Variants in PRKN observed in about 807,000 individuals in gnomAD.
PRKN encodes the protein E3 ubiquitin-protein ligase parkin.
In PRKN, 56 loss-of-function variants were observed where a neutral mutation model predicts 59.5. The observed-to-expected ratio is 0.94, with a 90% confidence interval of 0.76 to 1.18. The LOEUF (loss-of-function observed/expected upper bound fraction) is 1.18. Ranked by LOEUF, PRKN falls within the 50% of genes most tolerant of loss-of-function variation. The pLI is 0.00. For missense variants in PRKN, 657 were observed against 596.4 expected (o/e 1.10, Z -1.06); for synonymous variants, 250 against 222.1 (o/e 1.13, Z -1.12).
intron 7 of PRKN, among the ~76,000 whole-genome samples, chr6:161,731,181 T>C (rs1787694275): frequency 6.6e-6 from 1 of 152,262 alleles, no homozygotes; most frequent in Non-Finnish European, 1.5e-5. Flanking sequence ...TTCTGATATG[T>C]TTTCTTGTTG....
At chr6:162,517,773 CA>C (rs146773579) in intron 1 of PRKN, among the ~76,000 whole-genome samples, 2,773 of 151,976 alleles carry the variant, frequency 0.018, 85 homozygotes, top group African/African-American at 0.063. Context: ...CTAAAATGGA[CA>C]AAAAAACTGG....
chr6:162,484,897 T>G (rs1792473585), intron 1 of PRKN, among the ~76,000 whole-genome samples: 1 of 152,226 alleles, frequency 6.6e-6, no homozygotes. Context: ...CAATTTTACT[T>G]TTACATTGTT....
intron 7 of PRKN, among the ~76,000 whole-genome samples, chr6:161,717,988 C>T (rs374971611): frequency 9.2e-5 from 14 of 152,244 alleles, no homozygotes; most frequent in Admixed American, 2.6e-4. Flanking sequence ...GCAAAACAGA[C>T]GCATGGCAGA....
chr6:162,643,851 G>A (rs1300428105), intron 1 of PRKN: 2 of 151,744 alleles, frequency 1.3e-5, no homozygotes, highest in Non-Finnish European at 2.9e-5. Flanking sequence ...ATTTTACTTC[G>A]TGTAGTAATA....
chr6:162,612,070 G>C (rs1405563235), intron 1 of PRKN, among the ~76,000 whole-genome samples: 1 of 151,112 alleles, frequency 6.6e-6, no homozygotes, highest in African/African-American at 2.4e-5. Flanking sequence ...GCGGGCGCCT[G>C]TAGTCCCAGC....
intron 1 of PRKN, among the ~76,000 whole-genome samples, chr6:162,594,704 A>T (rs1253601163): frequency 6.6e-6 from 1 of 152,190 alleles, no homozygotes; most frequent in East Asian, 1.9e-4. Flanking sequence ...CACATGCTCA[A>T]ATTGTTCCTA....
chr6:161,667,192 G>A (rs181824369), intron 7 of PRKN, among the ~76,000 whole-genome samples: 81 of 152,166 alleles, frequency 5.3e-4, no homozygotes, highest in African/African-American at 1.6e-3. Flanking sequence ...AGTTTTAGCC[G>A]TCATCATTAT....
chr6:162,137,240 C>T (rs1397354228), intron 4 of PRKN, among the ~76,000 whole-genome samples: 8 of 152,128 alleles, frequency 5.3e-5, no homozygotes, highest in African/African-American at 7.2e-5. Flanking sequence ...TTGTGTTGCA[C>T]AGGCTTAGAA....
At chr6:162,292,127 C>T (rs1781460384) in intron 2 of PRKN, among the ~76,000 whole-genome samples, 1 of 151,944 alleles carries the variant, frequency 6.6e-6, no homozygotes, top group Admixed American at 6.6e-5. Flanking sequence ...CCACACCTGG[C>T]TAATTTTTGC....
In PRKN at chr6:161,548,219, T is replaced by A. The variant is rs1779863350; in HGVS notation, c.1083+635A>T. Reference sequence around the variant, plus strand: ...TTTAGTAAGCCTTTTTGTGTTTGAGTTATGCTTCTTCCCCCCTTGAGCCAT... The same window carrying A: ...TTTAGTAAGCCTTTTTGTGTTTGAGATATGCTTCTTCCCCCCTTGAGCCAT... On this transcript the variant is annotated intron_variant, in intron 9 of 11. Coordinates refer to ENST00000366898, the MANE Select transcript of PRKN (RefSeq NM_004562.3). This position sits in a 1 kb window ranked among gnomAD's most constrained non-coding sequence, Gnocchi z 4.2. Among the ~76,000 whole-genome samples the A allele has an allele frequency of 6.6e-6, 1 of 152,202 alleles. No homozygotes were observed. The highest frequency in any genetic ancestry group is 2.4e-5 in the African/African-American group (1 of 41,444).
At chr6:161,474,995 C>T (rs1486185918) in intron 9 of PRKN, among the ~76,000 whole-genome samples, 1 of 151,888 alleles carries the variant, frequency 6.6e-6, no homozygotes, top group African/African-American at 2.4e-5. Flanking sequence ...ACCTCCGCCT[C>T]CTGGGTTCAA....
chr6:162,174,857 C>T (rs189140995), intron 4 of PRKN, among the ~76,000 whole-genome samples: 2 of 152,292 alleles, frequency 1.3e-5, no homozygotes, highest in East Asian at 3.9e-4. Context: ...TAACTGCATG[C>T]ACTTGAAGTT....
intron 2 of PRKN, among the ~76,000 whole-genome samples, chr6:162,353,242 T>C (rs1231234831): frequency 6.6e-6 from 1 of 152,134 alleles, no homozygotes; most frequent in African/African-American, 2.4e-5. Context: ...CCATTAGAGT[T>C]GGCTCTAAGC....
In PRKN at chr6:161,448,337, A is replaced by G. The variant is rs1003293735; in HGVS notation, c.1084-61460T>C. On this transcript the variant is annotated intron_variant, in intron 9 of 11. Transcript: ENST00000366898. This position sits in a 1 kb window ranked among gnomAD's most constrained non-coding sequence, Gnocchi z 5.1. ...ATCCTAAGCATTTTGATTATTTTAG[A>G]TGGACATATACACATGCATATACAC... is the stretch of plus-strand genomic sequence containing the variant. Among the ~76,000 whole-genome samples the G allele has an allele frequency of 3.9e-5, 6 of 152,196 alleles. No individual in the cohort carries two copies. The highest frequency in any genetic ancestry group is 6.5e-5 in the Admixed American group (1 of 15,288).
At chr6:162,122,962 C>T (rs187488006) in intron 4 of PRKN, among the ~76,000 whole-genome samples, 3 of 150,426 alleles carry the variant, frequency 2.0e-5, no homozygotes, top group East Asian at 2.0e-4. Flanking sequence ...TAAATGTCTT[C>T]GTACCCAAGA....
Position 161,648,540 on chromosome 6 carries a change from T to A in PRKN, c.872-79124A>T, listed in dbSNP as rs562058040. ...AGTTCTTAATTGCCAATGTGGATTCTCATAAAATTAAACAGTATTATTCTG... is the reference window on the plus strand; with the variant it reads ...AGTTCTTAATTGCCAATGTGGATTCACATAAAATTAAACAGTATTATTCTG... On this transcript the variant is annotated intron_variant, in intron 7 of 11. Transcript: ENST00000366898. Among the ~76,000 whole-genome samples the A allele has an allele frequency of 5.3e-5, 8 of 152,342 alleles. No homozygotes were observed. The South Asian group carries it at 1.7e-3, about 32-fold the overall frequency.
At chr6:161,523,424 C>T (rs578007351) in intron 9 of PRKN, among the ~76,000 whole-genome samples, 5 of 152,312 alleles carry the variant, frequency 3.3e-5, no homozygotes, top group East Asian at 3.9e-4. Flanking sequence ...CTGTTAGAGT[C>T]TCTCTAGATA....
chr6:162,254,331 C>T (rs1002951344), intron 3 of PRKN, among the ~76,000 whole-genome samples: 1 of 151,758 alleles, frequency 6.6e-6, no homozygotes, highest in African/African-American at 2.4e-5. Context: ...GTGGTGGGTG[C>T]CTGTAATCCC....
In PRKN at chr6:161,379,562, C is replaced by CTCTCTGCCAAG. The variant is rs1785878897; in HGVS notation, c.1167+7221_1167+7231dup. 1.3e-5 allele frequency among the ~76,000 whole-genome samples: 2 copies of CTCTCTGCCAAG among 152,336 alleles called. No homozygotes were observed. The highest frequency in any genetic ancestry group is 4.1e-4 in the South Asian group (2 of 4,830). ...TGCTGGGTATGTCCGCAGCAGACAG[C>CTCTCTGCCAAG]TCTCTGCCAAGTCTCTACCCGGGAA... On this transcript the variant is annotated intron_variant, in intron 10 of 11. Coordinates refer to ENST00000366898, the MANE Select transcript of PRKN (RefSeq NM_004562.3). The surrounding 1 kb of genome is among the most constrained non-coding windows in gnomAD (Gnocchi z 4.9).
Sources: allele counts gnomAD v4.1 joint callset (sites outside exome capture counted in the v4.1 genomes callset), GRCh38; gene constraint gnomAD v4.1.1; non-coding constraint Gnocchi (gnomAD v3.1); transcripts MANE v1.5; gene names NCBI Gene and HGNC (gene_info 2026-07-23, HGNC 2026-07-21).